The following PHF20L1 variants were observed in gnomAD, a reference collection of about 807,000 sequenced individuals.
PHF20L1 encodes PHD finger protein 20 like 1.
In PHF20L1, 44 loss-of-function variants were observed where a neutral mutation model predicts 125.5. The ratio of observed to expected loss-of-function variants is 0.35; its 90% CI spans 0.28 to 0.45. PHF20L1 has a LOEUF of 0.45. PHF20L1 is among the 20% of genes least tolerant of loss of function. The probability of loss-of-function intolerance (pLI) is 1.00; values close to 1 mark genes in which losing one functional copy is unlikely to be tolerated. For synonymous variants in PHF20L1, 380 were observed against 403.1 expected, an observed-to-expected ratio of 0.94 and a Z score of 0.69; for missense variants, 1,012 against 1,217.2, an observed-to-expected ratio of 0.83 and a Z score of 2.51.
rs368391489 is a variant in PHF20L1, at chr8:132,794,592, A to G, written c.255+11A>G. On this transcript the variant is annotated intron_variant, in intron 3 of 20. Coordinates refer to ENST00000395386, the MANE Select transcript of PHF20L1 (RefSeq NM_016018.5). ...GAGGAAGATTTCTTTGTAAGTAGCA[A>G]GTTTTTTCTGTTTGCTAGTTTTGCC... 1 of 1,596,278 alleles carries G rather than the reference A, an allele frequency of 6.3e-7. No homozygotes were observed. Among genetic ancestry groups the G allele is most frequent in the African/African-American group, 1.4e-5 (1 of 74,038 alleles).
intron 10 of PHF20L1, chr8:132,816,194 A>G (rs1834964141): frequency 6.6e-6 from 1 of 151,930 alleles, no homozygotes; most frequent in African/African-American, 2.4e-5. Context: ...ACATTTCCAA[A>G]TATTTATATT....
At chr8:132,825,484 G>C in intron 14 of PHF20L1, 113 bp downstream of exon 14, 4 of 788,042 alleles carry the variant, frequency 5.1e-6, no homozygotes, top group Non-Finnish European at 7.5e-6. Context: ...CCCGTGTTGA[G>C]AACTGAAAGG....
chr8:132,801,068 C>T (rs1347537866), intron 6 of PHF20L1, among the ~76,000 whole-genome samples: 1 of 151,568 alleles, frequency 6.6e-6, no homozygotes. Flanking sequence ...TGAGATACCT[C>T]CTTGTTCCTT....
At chr8:132,793,239 A>G (rs1471558456) in intron 2 of PHF20L1, among the ~76,000 whole-genome samples, 1 of 152,134 alleles carries the variant, frequency 6.6e-6, no homozygotes, top group African/African-American at 2.4e-5. Context: ...TGAATGCTTG[A>G]CACAGAGCAA....
At chr8:132,801,773 A>G (rs1226966769) in intron 6 of PHF20L1, among the ~76,000 whole-genome samples, 1 of 60,920 alleles carries the variant, frequency 1.6e-5, no homozygotes, top group Non-Finnish European at 3.5e-5. Flanking sequence ...AGAACTCAAC[A>G]TAAAAATAAA....
Position 132,825,364 on chromosome 8 carries a change from G to A in PHF20L1, c.1737G>A (p.Lys579=). The A allele has an allele frequency of 6.0e-6, 9 of 1,500,348 alleles. No individual in the cohort carries two copies. Among genetic ancestry groups the A allele is most frequent in the Non-Finnish European group, 8.1e-6 (9 of 1,115,098 alleles). 92.9% of individuals were successfully genotyped at this position (1,500,348 alleles called of 1,614,324 possible). Residue 579 remains lysine, a synonymous_variant, in exon 14 of 21, where the codon AAG becomes AAA. Transcript: ENST00000395386. ...KKKKKKKKKS[K]QHDYSDYEDS... ...AGAAAAAAAAGAAAAAGAAATCTAA[G>A]CAACATGGTAAGTACACTGAGATGA...
chr8:132,824,799 G>A (rs1271810209), intron 13 of PHF20L1: 2 of 197,764 alleles, frequency 1.0e-5, no homozygotes, highest in Non-Finnish European at 2.2e-5. Context: ...AATAAAGACT[G>A]GAGGAGTTGT....
chr8:132,817,134 A>G, intron 11 of PHF20L1, 58 bp downstream of exon 11: 2 of 1,082,794 alleles, frequency 1.8e-6, no homozygotes, highest in Non-Finnish European at 2.6e-6. Flanking sequence ...GAAAAAACTA[A>G]GAGATAAAGA....
chr8:132,837,807 AC>A lies in PHF20L1; in HGVS notation c.2189del (p.Pro730GlnfsTer16). On this transcript the variant is annotated frameshift_variant, in exon 17 of 21. Coordinates refer to ENST00000395386, the MANE Select transcript of PHF20L1 (RefSeq NM_016018.5). LOFTEE classifies it high-confidence loss of function. ...ACATCTGCTATATCTGCCGGGACCC[AC>A]CAGGTAAGGCTTTCTGTGCCGTGCT... is the stretch of plus-strand genomic sequence containing the variant. The part of the protein sequence containing the change: ...QYICYICRDP[P>X]GQRWSAKYRY... The A allele has an allele frequency of 6.2e-7, 1 of 1,610,058 alleles. No homozygotes were observed. The highest frequency in any genetic ancestry group is 8.5e-7 in the Non-Finnish European group (1 of 1,176,930).
chr8:132,842,681 A>G lies in PHF20L1; in HGVS notation c.2554A>G (p.Met852Val), dbSNP rs913093438. The change falls in exon 19 of 21, where the codon ATG (methionine) becomes GTG (valine). Residue 852 changes from methionine (M) to valine (V), a missense_variant. Met to Val is a conservative substitution (Grantham distance 21). Coordinates refer to ENST00000395386, the MANE Select transcript of PHF20L1 (RefSeq NM_016018.5). ...AGAACCACCTCGTTTGCCCCTAAAA[A>G]TGGAAGGAACTTATATAACAAGTGA... Reference protein sequence around the residue: ...HKEPPRLPLKMEGTYITSEHS... With the variant: ...HKEPPRLPLKVEGTYITSEHS... The G allele has an allele frequency of 5.0e-6, 8 of 1,613,238 alleles. No homozygotes were observed. Among genetic ancestry groups the G allele is most frequent in the Admixed American group, 1.7e-5 (1 of 59,822 alleles).
intron 2 of PHF20L1, among the ~76,000 whole-genome samples, chr8:132,788,490 C>T (rs1302198604): frequency 6.6e-6 from 1 of 151,904 alleles, no homozygotes; most frequent in Admixed American, 6.6e-5. Flanking sequence ...ATATTCTGGC[C>T]CTGCTTGGTG....
intron 18 of PHF20L1, among the ~76,000 whole-genome samples, chr8:132,840,566 A>G (rs556840420): frequency 1.3e-5 from 2 of 152,174 alleles, no homozygotes; most frequent in South Asian, 4.2e-4. Context: ...TCCATGACAC[A>G]TACTCTGTCT....
intron 19 of PHF20L1, chr8:132,843,336 C>G (rs990227809): frequency 6.1e-6 from 6 of 981,360 alleles, no homozygotes; most frequent in African/African-American, 5.2e-5. Flanking sequence ...TCTGACAGAT[C>G]TATGTGCATT....
chr8:132,817,392 G>A lies in PHF20L1; in HGVS notation c.1426G>A (p.Asp476Asn). 6.2e-7 allele frequency: 1 copy of A among 1,612,734 alleles called. No individual in the cohort carries two copies. The highest frequency in any genetic ancestry group is 8.5e-7 in the Non-Finnish European group (1 of 1,179,190). The change falls in exon 12 of 21, where the codon GAC becomes AAC. Residue 476 changes from aspartate (D) to asparagine (N), a missense_variant. Physicochemically the swap from Asp to Asn is conservative, Grantham distance 23 (BLOSUM62 1). Transcript: ENST00000395386. ...GAAGCTGGGACCCTGTCTCCCTCTT[G>A]ACTTAAGTCGTGGTTCAGAAGTTAC... ...LEKLGPCLPL[D>N]LSRGSEVTAP...
intron 16 of PHF20L1, 81 bp from the exon 17 acceptor site, chr8:132,837,631 C>A: frequency 9.0e-7 from 1 of 1,107,712 alleles, no homozygotes; most frequent in Non-Finnish European, 1.4e-6. Context: ...CCAGCCAATT[C>A]AAAGAAAGGG....
At chr8:132,828,106 A>G (rs755233502) in intron 14 of PHF20L1, among the ~76,000 whole-genome samples, 11 of 152,092 alleles carry the variant, frequency 7.2e-5, no homozygotes, top group Non-Finnish European at 1.5e-4. Flanking sequence ...AAGAATTGAC[A>G]TTATTACTGT....
chr8:132,781,737 A>G (rs920629567), intron 2 of PHF20L1, among the ~76,000 whole-genome samples: 3 of 152,096 alleles, frequency 2.0e-5, no homozygotes. Flanking sequence ...GGCCTAAAGT[A>G]GTGATTTATT....
At chr8:132,775,701 G>C (rs1829606466) in intron 1 of PHF20L1, 56 bp downstream of exon 1, 2 of 320,324 alleles carry the variant, frequency 6.2e-6, no homozygotes, top group South Asian at 1.6e-4. Flanking sequence ...CGGGCCGCCC[G>C]GGACGCCCCC....
In PHF20L1 at chr8:132,842,628, A is replaced by T. The variant is rs202073588; in HGVS notation, c.2501A>T (p.Glu834Val). The T allele has an allele frequency of 2.5e-4, 411 of 1,613,170 alleles. No homozygotes were observed. The highest frequency in any genetic ancestry group is 3.3e-4 in the Non-Finnish European group (388 of 1,179,616). Residue 834 changes from glutamate (E) to valine (V), a missense_variant, in exon 19 of 21, where the codon GAA (glutamate) becomes GTA (valine). By Grantham distance (121) the Glu-to-Val change is moderately radical. This residue lies in a region of PHF20L1 where 277 missense variants were observed against 283.6 expected (regional missense o/e 0.98). Transcript: ENST00000395386. ...ATAGCTCAAGACACAGTTAATCGAG[A>T]AGAAAAGAAATATGTACAGAACCAT... Reference protein sequence around the residue: ...KKIAQDTVNREEKKYVQNHKE... With the variant: ...KKIAQDTVNRVEKKYVQNHKE...
Sources: gnomAD v4.1 joint callset for allele counts (sites outside exome capture counted in the v4.1 genomes callset) on GRCh38, gnomAD v4.1.1 for gene constraint, gnomAD v4.1.1 regional missense constraint, MANE v1.5 for transcripts, NCBI Gene and HGNC (gene_info 2026-07-23, HGNC 2026-07-21) for gene names.